CSAD: variants seen among roughly 807,000 people sequenced by gnomAD.
The protein encoded by CSAD is P-selectin cytoplasmic tail-associated protein.
A neutral mutation model predicts 61.5 loss-of-function variants in CSAD; 47 were observed. The observed-to-expected ratio is 0.76, with a 90% CI of 0.60 to 0.97. The LOEUF is 0.97. Ranked by LOEUF, CSAD falls within the 50% of genes least tolerant of loss-of-function variation. The probability of loss-of-function intolerance (pLI) is 0.00; values close to 1 mark genes in which losing one functional copy is unlikely to be tolerated. For missense variants in CSAD, 611 were observed against 643.6 expected (o/e 0.95, Z 0.55); for synonymous variants, 245 against 252.7 (o/e 0.97, Z 0.29).
chr12:53,177,484 G>A (rs1941198079), intron 2 of CSAD, among the ~76,000 whole-genome samples: 1 of 151,912 alleles, frequency 6.6e-6, no homozygotes, highest in Non-Finnish European at 1.5e-5. Flanking sequence ...CAAAGGATAT[G>A]AACAGACAGT....
Position 53,170,490 on chromosome 12 carries a change from T to A in CSAD, c.580A>T (p.Ile194Phe), listed in dbSNP as rs749257449. ...CCCAGAAACGCAGCTCCCTTCTGGA[T>A]GGAGTAGTGACACTGTGGGGGAAGG... ...LFTSKECHYS[I>F]QKGAAFLGLG... Residue 194 changes from isoleucine (I) to phenylalanine (F), a missense_variant, in exon 9 of 17, where the codon ATC (isoleucine) becomes TTC (phenylalanine). Coordinates refer to ENST00000444623, the MANE Select transcript of CSAD (RefSeq NM_001244705.2). The A allele has an allele frequency of 1.2e-6, 2 of 1,613,818 alleles. No individual in the cohort carries two copies. The highest frequency in any genetic ancestry group is 3.3e-5 in the Admixed American group (2 of 59,980).
intron 12 of CSAD, 31 bp downstream of exon 12, chr12:53,161,096 C>T (rs369307078): frequency 1.5e-4 from 242 of 1,605,540 alleles, no homozygotes; most frequent in African/African-American, 3.6e-4. Context: ...GTTTGAAGGG[C>T]GGGATTTGGG....
At chr12:53,171,284 T>G in intron 8 of CSAD, 42 bp downstream of exon 8, 2 of 1,613,100 alleles carry the variant, frequency 1.2e-6, no homozygotes, top group Non-Finnish European at 1.7e-6. Flanking sequence ...GGCTGGAGAT[T>G]AGAATCAGGA....
chr12:53,173,327 G>C lies in CSAD; in HGVS notation c.126+18C>G, dbSNP rs1592351980. 8 of 1,603,854 alleles carry C rather than the reference G, an allele frequency of 5.0e-6. No homozygotes were observed. In the East Asian group the frequency reaches 1.8e-4, roughly 36 times the overall value. ...AGAAAGAAAGCTTGATGGGAAGGAG[G>C]AGGAAGAAAGGACTCACCTTCTGGG... On this transcript the variant is annotated intron_variant, in intron 4 of 16. Transcript: ENST00000444623.
chr12:53,163,986 C>CA (rs1272672495), intron 10 of CSAD, among the ~76,000 whole-genome samples: 1 of 152,146 alleles, frequency 6.6e-6, no homozygotes, highest in Non-Finnish European at 1.5e-5. Flanking sequence ...ACAAGGATGC[C>CA]AAGACAATTT....
intron 1 of CSAD, chr12:53,180,304 C>T (rs1941473635): frequency 1.0e-6 from 1 of 985,346 alleles, no homozygotes; most frequent in African/African-American, 1.7e-5. Flanking sequence ...GTACGAACTA[C>T]TCTGGCTCTA....
At chr12:53,168,010 G>A (rs1265349685) in intron 10 of CSAD, among the ~76,000 whole-genome samples, 2 of 152,204 alleles carry the variant, frequency 1.3e-5, no homozygotes, top group East Asian at 1.9e-4. Context: ...ATAAATAAAT[G>A]TGGTATATCC....
chr12:53,159,775 G>A, intron 15 of CSAD, 63 bp from the exon 16 acceptor site: 3 of 1,525,756 alleles, frequency 2.0e-6, no homozygotes, highest in Admixed American at 3.8e-5. Flanking sequence ...CCCTCTCCCT[G>A]CCCCTTTCCC....
At position 53,171,350 on chromosome 12, in the gene CSAD, G is replaced by A; in HGVS notation, c.543C>T (p.Pro181=). Residue 181 remains proline (P), a synonymous_variant, in exon 8 of 17, where the codon CCC becomes CCT. Coordinates refer to ENST00000444623, the MANE Select transcript of CSAD (RefSeq NM_001244705.2). ...CKQRGLRTLP[P]LALFTSKECH... is the part of the protein sequence containing the mutation. ...CCTCCTTCGATGTGAATAGGGCCAG[G>A]GGCGGCAGTGTGCGGAGGCCCCTCT... The A allele has an allele frequency of 1.2e-6, 2 of 1,614,082 alleles. No homozygotes were observed. The highest frequency in any genetic ancestry group is 8.5e-7 in the Non-Finnish European group (1 of 1,180,034).
At chr12:53,163,216 C>T (rs1354345289) in intron 10 of CSAD, among the ~76,000 whole-genome samples, 1 of 152,114 alleles carries the variant, frequency 6.6e-6, no homozygotes, top group Non-Finnish European at 1.5e-5. Context: ...GCCTGGTCAA[C>T]AGAGTGAGGC....
Position 53,172,565 on chromosome 12 carries a change from G to T in CSAD, c.210C>A (p.Ile70=). The change falls in exon 5 of 17, where the codon ATC becomes ATA. Residue 70 remains isoleucine (I), a synonymous_variant. Coordinates refer to ENST00000444623, the MANE Select transcript of CSAD (RefSeq NM_001244705.2). ...LRSQGESQKQ[I]LERCRAVIRY... is the part of the protein sequence containing the mutation. ...GAATCACAGCCCGACACCGCTCCAG[G>T]ATCTGCTTCTGTGACTCGCCCTGGC... The T allele has an allele frequency of 6.2e-7, 1 of 1,613,590 alleles. No homozygotes were observed. The highest frequency in any genetic ancestry group is 1.1e-5 in the South Asian group (1 of 90,934).
At chr12:53,180,251 T>A (rs1028399121) in intron 1 of CSAD, 8 of 984,996 alleles carry the variant, frequency 8.1e-6, no homozygotes, top group South Asian at 4.7e-5. Flanking sequence ...ACGGAAAAAA[T>A]TCGGAGAAGA....
At chr12:53,169,499 T>G (rs911031215) in intron 10 of CSAD, among the ~76,000 whole-genome samples, 2 of 150,934 alleles carry the variant, frequency 1.3e-5, no homozygotes, top group African/African-American at 4.9e-5. Context: ...AAAAAAATTT[T>G]TACATTTATA....
At chr12:53,177,103 T>C (rs1402135275) in intron 2 of CSAD, among the ~76,000 whole-genome samples, 2 of 152,214 alleles carry the variant, frequency 1.3e-5, no homozygotes, top group Non-Finnish European at 2.9e-5. Flanking sequence ...ATTCTTATAT[T>C]TTATTTATAT....
Position 53,173,494 on chromosome 12 carries a change from C to A in CSAD, c.-6-18G>T. 1 of 1,614,104 alleles carries A rather than the reference C, an allele frequency of 6.2e-7. No individual in the cohort carries two copies. Among genetic ancestry groups the A allele is most frequent in the South Asian group, 1.1e-5 (1 of 91,034 alleles). ...ATCAGGATCTGTGGCAGAGCAGAGT[C>A]ATTCCCTACTCAGCCTGTCAACCCT... On this transcript the variant is annotated intron_variant, in intron 3 of 16. Transcript: ENST00000444623.
At chr12:53,172,764 T>C (rs1419570493) in intron 4 of CSAD, 116 bp from the exon 5 acceptor site, 7 of 1,189,308 alleles carry the variant, frequency 5.9e-6, no homozygotes, top group Non-Finnish European at 8.0e-6. Flanking sequence ...TTCGGGATAT[T>C]TCCAAAGCAA....
chr12:53,160,723 G>T, intron 13 of CSAD, 40 bp downstream of exon 13: 2 of 1,500,092 alleles, frequency 1.3e-6, no homozygotes, highest in South Asian at 2.4e-5. Context: ...CAGAGCTCCA[G>T]AGAGAGGTGG....
chr12:53,167,253 G>A (rs1241212071), intron 10 of CSAD, among the ~76,000 whole-genome samples: 1 of 152,188 alleles, frequency 6.6e-6, no homozygotes, highest in African/African-American at 2.4e-5. Context: ...AAGGGGGGAA[G>A]CTGCTCCAAC....
In CSAD at chr12:53,171,367, G is replaced by A; in HGVS notation, c.526C>T (p.Leu176Phe). ...QRYPDCKQRG[L>F]RTLPPLALFT... is the part of the protein sequence containing the mutation. ...AGGGCCAGGGGCGGCAGTGTGCGGA[G>A]GCCCCTCTGCTTGCAATCCGGGTAG... Residue 176 changes from leucine (L) to phenylalanine (F), a missense_variant, in exon 8 of 17, where the codon CTC becomes TTC. Coordinates refer to ENST00000444623, the MANE Select transcript of CSAD (RefSeq NM_001244705.2). 1 of 1,614,002 alleles carries A rather than the reference G, an allele frequency of 6.2e-7. No homozygotes were observed. The highest frequency in any genetic ancestry group is 8.5e-7 in the Non-Finnish European group (1 of 1,179,952).
Sources: allele counts gnomAD v4.1 joint callset (sites outside exome capture counted in the v4.1 genomes callset), GRCh38; gene constraint gnomAD v4.1.1; transcripts MANE v1.5; gene names NCBI Gene and HGNC (gene_info 2026-07-23, HGNC 2026-07-21).